EGFLAM: variants seen among roughly 807,000 people sequenced by gnomAD.
EGFLAM encodes the protein EGF like, fibronectin type III and laminin G domains.
A neutral mutation model predicts 113.1 loss-of-function variants in EGFLAM; 79 were observed. The observed-to-expected ratio is 0.70, with a 90% CI of 0.58 to 0.84. The LOEUF is 0.84. Among genes scored for constraint, EGFLAM ranks in the 40% least tolerant of loss-of-function variants. The pLI, the probability that EGFLAM is intolerant of heterozygous loss-of-function variation, is 0.00. For missense variants in EGFLAM, 1,265 were observed against 1,291.6 expected, an observed-to-expected ratio of 0.98 and a Z score of 0.32; for synonymous variants, 504 against 487.6, an observed-to-expected ratio of 1.03 and a Z score of -0.44.
intron 4 of EGFLAM, among the ~76,000 whole-genome samples, chr5:38,351,459 G>A (rs578141715): frequency 1.6e-3 from 247 of 152,270 alleles, no homozygotes; most frequent in African/African-American, 5.7e-3. Context: ...ACAGGAGGGC[G>A]CACTTCCTCT....
At chr5:38,410,428 C>A (rs1203111245) in intron 10 of EGFLAM, among the ~76,000 whole-genome samples, 1 of 152,200 alleles carries the variant, frequency 6.6e-6, no homozygotes, top group Non-Finnish European at 1.5e-5. Context: ...AATCTGCTAT[C>A]CTCTTCAGGG....
intron 19 of EGFLAM, among the ~76,000 whole-genome samples, chr5:38,454,777 C>A (rs1008120883): frequency 1.3e-5 from 2 of 152,106 alleles, no homozygotes; most frequent in Admixed American, 6.5e-5. Context: ...ATAGTCCCAA[C>A]TTTCATGACT....
At chr5:38,346,795 C>T (rs1306170625) in intron 3 of EGFLAM, among the ~76,000 whole-genome samples, 4 of 152,174 alleles carry the variant, frequency 2.6e-5, no homozygotes, top group African/African-American at 9.7e-5. Flanking sequence ...AGGGTTGGAT[C>T]CACCTGTTGC....
Position 38,316,168 on chromosome 5 carries a change from G to A in EGFLAM, c.98-21352G>A, listed in dbSNP as rs187457053. On this transcript the variant is annotated intron_variant, in intron 1 of 21. Transcript: ENST00000322350. ...ATTTTATTACTAGTATAGCCCATGG[G>A]GTGCCTCCTGTTCTTTGGTTGGTTG... 6.0e-3 allele frequency among the ~76,000 whole-genome samples: 919 copies of A among 152,104 alleles called. 5 individuals are homozygous for A. Among genetic ancestry groups the A allele is most frequent in the Middle Eastern group, 0.014 (4 of 294 alleles).
chr5:38,365,996 T>A (rs1301548614), intron 5 of EGFLAM, among the ~76,000 whole-genome samples: 1 of 152,142 alleles, frequency 6.6e-6, no homozygotes, highest in Non-Finnish European at 1.5e-5. Flanking sequence ...ATCAAAAGGT[T>A]TTCCTGCCAT....
chr5:38,451,043 G>A (rs1430438165), intron 18 of EGFLAM, among the ~76,000 whole-genome samples: 3 of 152,224 alleles, frequency 2.0e-5, no homozygotes, highest in African/African-American at 7.2e-5. Flanking sequence ...TGGGGGTGCA[G>A]CCTAAGCTGT....
intron 12 of EGFLAM, among the ~76,000 whole-genome samples, chr5:38,422,344 C>T (rs570908054): frequency 3.9e-4 from 59 of 152,224 alleles, no homozygotes; most frequent in Admixed American, 4.6e-4. Context: ...AGAGTTTTCC[C>T]CCTAAAATGA....
At chr5:38,438,536 T>G in intron 17 of EGFLAM, 81 bp downstream of exon 17, 4 of 1,333,722 alleles carry the variant, frequency 3.0e-6, no homozygotes, top group Non-Finnish European at 4.0e-6. Context: ...CAACTCTTAA[T>G]GGAAGAGTTG....
intron 1 of EGFLAM, among the ~76,000 whole-genome samples, chr5:38,281,729 C>A (rs1412958804): frequency 6.6e-6 from 1 of 152,130 alleles, no homozygotes; most frequent in African/African-American, 2.4e-5. Flanking sequence ...AATTAACCTT[C>A]CACATGATTT....
intron 5 of EGFLAM, among the ~76,000 whole-genome samples, chr5:38,360,157 G>A (rs959096211): frequency 6.6e-6 from 1 of 152,208 alleles, no homozygotes; most frequent in Non-Finnish European, 1.5e-5. Context: ...TGAAGATCAA[G>A]TCTGGGATTC....
chr5:38,338,897 A>C, intron 3 of EGFLAM, 116 bp downstream of exon 3: 1 of 837,762 alleles, frequency 1.2e-6, no homozygotes, highest in Admixed American at 2.1e-5. Flanking sequence ...TGCTTGTAAT[A>C]GTCCTTTAGG....
At chr5:38,302,236 CA>C (rs35820077) in intron 1 of EGFLAM, among the ~76,000 whole-genome samples, 21,500 of 100,650 alleles carry the variant, frequency 0.21, 1,533 homozygotes, top group Middle Eastern at 0.35. Flanking sequence ...AAGTCCATCT[CA>C]AAAAAAAAAA....
rs1743329235 is a variant in EGFLAM, at chr5:38,462,750, A to G, written c.2772-158A>G. The stretch of plus-strand genomic sequence containing the variant: ...TAGACCACAGGCTCCTGAGGGCCAC[A>G]CATTTGCTTTTTGCTTTGATTTCTG... On this transcript the variant is annotated intron_variant, in intron 20 of 21. Transcript: ENST00000322350. 3 of 761,418 alleles carry G rather than the reference A, an allele frequency of 3.9e-6. No homozygotes were observed. The African/African-American group carries it at 5.3e-5, about 13-fold the overall frequency. The allele number at this position is 761,418 out of a possible 1,614,324, so 47.2% of individuals were successfully genotyped here.
rs777052709 is a variant in EGFLAM, at chr5:38,409,105, G to A, written c.1349+1G>A. ...TCATCCGACGCTCCCTGCAGTTCAG[G>A]TAATTCCTGCCAAAAGCCTCACACT... On this transcript the variant is annotated splice_donor_variant, in intron 10 of 21. Transcript: ENST00000322350. LOFTEE classifies it high-confidence loss of function. 5 of 1,564,174 alleles carry A rather than the reference G, an allele frequency of 3.2e-6. No individual in the cohort carries two copies. The highest frequency in any genetic ancestry group is 1.2e-5 in the South Asian group (1 of 84,148).
chr5:38,458,302 A>G lies in EGFLAM; in HGVS notation c.2688-9A>G. On this transcript the variant is annotated splice_polypyrimidine_tract_variant and intron_variant, in intron 19 of 21. Coordinates refer to ENST00000322350, the MANE Select transcript of EGFLAM (RefSeq NM_152403.4). ...CTGTTCTCTGTCTTCTTCTTCTCCA[A>G]TGCCTTAGCTATAACCTGGGCAGTG... The G allele has an allele frequency of 2.5e-6, 4 of 1,612,456 alleles. No individual in the cohort carries two copies. The highest frequency in any genetic ancestry group is 3.4e-6 in the Non-Finnish European group (4 of 1,179,296).
intron 5 of EGFLAM, among the ~76,000 whole-genome samples, chr5:38,359,240 T>C (rs536932010): frequency 1.1e-3 from 170 of 152,290 alleles, no homozygotes; most frequent in Non-Finnish European, 2.0e-3. Flanking sequence ...TCGAGTTGGA[T>C]AAACATGAAA....
intron 5 of EGFLAM, among the ~76,000 whole-genome samples, chr5:38,358,133 G>A (rs1739812208): frequency 6.6e-6 from 1 of 151,802 alleles, no homozygotes; most frequent in African/African-American, 2.4e-5. Flanking sequence ...AGGCAACAAA[G>A]TGAGACCTCT....
intron 12 of EGFLAM, among the ~76,000 whole-genome samples, chr5:38,419,052 T>G (rs1041901477): frequency 6.6e-5 from 10 of 152,176 alleles, no homozygotes; most frequent in African/African-American, 2.4e-4. Context: ...CCTCTCTCCT[T>G]GGCTTGCAGA....
At chr5:38,461,147 A>C (rs1743258056) in intron 20 of EGFLAM, 1 of 152,206 alleles carries the variant, frequency 6.6e-6, no homozygotes, top group African/African-American at 2.4e-5. Flanking sequence ...TCTGATCTCC[A>C]CAATAATCTC....
Sources: gnomAD v4.1 joint callset for allele counts (sites outside exome capture counted in the v4.1 genomes callset) on GRCh38, gnomAD v4.1.1 for gene constraint, MANE v1.5 for transcripts, NCBI Gene and HGNC (gene_info 2026-07-23, HGNC 2026-07-21) for gene names.